Variants in RARB observed in about 807,000 individuals in gnomAD.
RARB encodes retinoic acid receptor beta, also known as HBV-activated protein.
Under a neutral mutation model 51.9 loss-of-function variants are expected in RARB, and 17 were observed. The ratio of observed to expected loss-of-function variants is 0.33; its 90% CI spans 0.22 to 0.49. The LOEUF is 0.49. Among genes scored for constraint, RARB ranks in the 20% least tolerant of loss-of-function variants. The pLI is 0.99. For synonymous variants in RARB, 215 were observed against 195.4 expected (o/e 1.10, Z -0.84); for missense variants, 369 against 550.8 (o/e 0.67, Z 3.30).
intron 3 of RARB, among the ~76,000 whole-genome samples, chr3:25,119,534 T>G (rs953694635): frequency 2.0e-5 from 3 of 152,064 alleles, no homozygotes; most frequent in African/African-American, 4.8e-5. Flanking sequence ...ATGGGTCTTA[T>G]GCACCCTGAC....
At chr3:25,228,759 A>G (rs1185429186) in intron 5 of RARB, among the ~76,000 whole-genome samples, 1 of 152,076 alleles carries the variant, frequency 6.6e-6, no homozygotes, top group East Asian at 1.9e-4. Flanking sequence ...GCATTAATAA[A>G]AGCACACATG....
At chr3:25,117,164 G>C (rs572344756) in intron 3 of RARB, among the ~76,000 whole-genome samples, 2 of 152,152 alleles carry the variant, frequency 1.3e-5, no homozygotes, top group African/African-American at 4.8e-5. Context: ...GGCAGATAGA[G>C]CCCGCGTCCT....
intron 2 of RARB, among the ~76,000 whole-genome samples, chr3:24,945,483 G>A (rs1382147608): frequency 6.6e-6 from 1 of 152,138 alleles, no homozygotes; most frequent in East Asian, 1.9e-4. Flanking sequence ...CATATCTTGG[G>A]GCCCACCTAT....
Position 25,041,326 on chromosome 3 carries a change from A to G in RARB, c.-379-18799A>G, listed in dbSNP as rs149390008. Among the ~76,000 whole-genome samples the G allele has an allele frequency of 8.3e-3, 1,271 of 152,256 alleles. 20 individuals are homozygous for G. The highest frequency in any genetic ancestry group is 0.029 in the African/African-American group (1,208 of 41,542). On this transcript the variant is annotated intron_variant, in intron 2 of 11. Coordinates refer to the RARB transcript ENST00000383772. Reference sequence around the variant, plus strand: ...TTTCTACTGATACATATGATTCACAAGTTTTTTTCAAGGTTGCCGTTTAAT... The same window carrying G: ...TTTCTACTGATACATATGATTCACAGGTTTTTTTCAAGGTTGCCGTTTAAT...
intron 3 of RARB, among the ~76,000 whole-genome samples, chr3:25,063,772 G>A (rs1378228278): frequency 6.6e-6 from 1 of 151,256 alleles, no homozygotes; most frequent in African/African-American, 2.4e-5. Context: ...CTTGCACAGG[G>A]TTACCACGGG....
chr3:25,179,263 T>C (rs1700816591), intron 5 of RARB, among the ~76,000 whole-genome samples: 1 of 152,210 alleles, frequency 6.6e-6, no homozygotes, highest in African/African-American at 2.4e-5. Context: ...AATTTCCTTA[T>C]TACATGTTAG....
chr3:24,912,975 C>CTTTTTTTTTTTTTCTTTT (rs1695023518), intron 2 of RARB, among the ~76,000 whole-genome samples: 1 of 75,066 alleles, frequency 1.3e-5, no homozygotes, highest in Non-Finnish European at 2.6e-5. Context: ...GGTACTGATT[C>CTTTTTTTTTTTTTCTTTT]TTTTTTTTTT....
chr3:24,981,008 T>C (rs1019605896), intron 2 of RARB, among the ~76,000 whole-genome samples: 1 of 149,352 alleles, frequency 6.7e-6, no homozygotes, highest in Admixed American at 6.6e-5. Flanking sequence ...TAGTTTTCCT[T>C]CTAACAGACA....
At chr3:25,157,221 G>A (rs1200037244) in intron 4 of RARB, among the ~76,000 whole-genome samples, 1 of 152,018 alleles carries the variant, frequency 6.6e-6, no homozygotes, top group Non-Finnish European at 1.5e-5. Context: ...AATGTGAACT[G>A]GCTTAAACAT....
At chr3:25,471,001 TTAGTG>T (rs1446301971) in intron 2 of RARB, among the ~76,000 whole-genome samples, 2 of 152,192 alleles carry the variant, frequency 1.3e-5, no homozygotes, top group African/African-American at 4.8e-5. Flanking sequence ...TATACAGTAA[TTAGTG>T]TAGTTATAAA....
chr3:25,111,858 G>T (rs1699608367), intron 3 of RARB, among the ~76,000 whole-genome samples: 1 of 152,022 alleles, frequency 6.6e-6, no homozygotes, highest in African/African-American at 2.4e-5. Context: ...TTACAAGTGT[G>T]AGCCATCGGG....
intron 5 of RARB, among the ~76,000 whole-genome samples, chr3:25,244,938 CAA>C (rs1254255958): frequency 6.6e-5 from 10 of 152,284 alleles, no homozygotes; most frequent in Non-Finnish European, 4.4e-5. Flanking sequence ...GTGTGGGAGT[CAA>C]AGTCTCTTTG....
At chr3:25,310,407 C>G (rs187744145) in intron 5 of RARB, among the ~76,000 whole-genome samples, 24 of 152,206 alleles carry the variant, frequency 1.6e-4, no homozygotes, top group Admixed American at 1.4e-3. Context: ...TTTTTTGGTA[C>G]CTAGTATGTG....
intron 2 of RARB, among the ~76,000 whole-genome samples, chr3:24,965,856 A>G (rs1156855523): frequency 1.3e-5 from 2 of 152,124 alleles, no homozygotes; most frequent in Non-Finnish European, 2.9e-5. Flanking sequence ...ATACAACATC[A>G]TACTCTTCTG....
intron 4 of RARB, among the ~76,000 whole-genome samples, chr3:25,148,753 A>G (rs945479730): frequency 2.0e-5 from 3 of 152,228 alleles, no homozygotes; most frequent in Non-Finnish European, 4.4e-5. Context: ...ACATAATTAT[A>G]TGTGAAAATA....
At chr3:25,412,484 C>A (rs1304231330) in intron 5 of RARB, among the ~76,000 whole-genome samples, 4 of 152,092 alleles carry the variant, frequency 2.6e-5, no homozygotes, top group African/African-American at 9.7e-5. Context: ...GTTGAGAGCT[C>A]CTTCCATTCT....
chr3:25,223,056 A>G (rs189951443), intron 5 of RARB, among the ~76,000 whole-genome samples: 2 of 152,276 alleles, frequency 1.3e-5, no homozygotes, highest in East Asian at 3.9e-4. Context: ...AGTAAACTTT[A>G]CCCTGTGTGA....
At chr3:25,435,945 G>A (rs1381802642) in intron 1 of RARB, among the ~76,000 whole-genome samples, 1 of 152,092 alleles carries the variant, frequency 6.6e-6, no homozygotes. Context: ...AAAAAATCAC[G>A]ATTAATGCCT....
chr3:24,964,171 C>A (rs1055859623), intron 2 of RARB, among the ~76,000 whole-genome samples: 11 of 151,674 alleles, frequency 7.3e-5, no homozygotes, highest in African/African-American at 2.7e-4. Context: ...ATAACCAGAT[C>A]TTTTTTGTGT....
Sources: gnomAD v4.1 joint callset for allele counts (sites outside exome capture counted in the v4.1 genomes callset) on GRCh38, gnomAD v4.1.1 for gene constraint, MANE v1.5 for transcripts, NCBI Gene and HGNC (gene_info 2026-07-23, HGNC 2026-07-21) for gene names.